The following ZDHHC1 variants were observed in gnomAD, a reference collection of about 807,000 sequenced individuals.
ZDHHC1 encodes zDHHC palmitoyltransferase 1, also known as palmitoyltransferase ZDHHC1.
ZDHHC1 carries 45 observed loss-of-function variants against 46.9 expected under a neutral mutation model. That is an observed-to-expected ratio of 0.96 (90% CI 0.76 to 1.23). The LOEUF (loss-of-function observed/expected upper bound fraction) is 1.23. ZDHHC1 is among the 50% of genes most tolerant of loss of function. The probability of loss-of-function intolerance (pLI) is 0.00; values close to 1 mark genes in which losing one functional copy is unlikely to be tolerated. For missense variants in ZDHHC1, 649 were observed against 670.8 expected (o/e 0.97, Z 0.36); for synonymous variants, 291 against 286.0 (o/e 1.02, Z -0.18).
At chr16:67,414,270 A>G (rs1383104797) in intron 1 of ZDHHC1, among the ~76,000 whole-genome samples, 1 of 152,242 alleles carries the variant, frequency 6.6e-6, no homozygotes, top group Non-Finnish European at 1.5e-5. Flanking sequence ...AAAGAAAAAC[A>G]AAAACAAAAC....
Position 67,406,815 on chromosome 16 carries a change from A to G in ZDHHC1, c.10-373T>C, listed in dbSNP as rs755347190. On this transcript the variant is annotated intron_variant, in intron 2 of 11. Transcript: ENST00000565726. This position sits in a 1 kb window ranked among gnomAD's most constrained non-coding sequence, Gnocchi z 4.1. ...GCTGGGGCCAGAGTGATGAGAACAC[A>G]TGCTGATTCTGTTAGGATTAGTCAC... is the stretch of plus-strand genomic sequence containing the variant. Among the ~76,000 whole-genome samples, 6 of 152,218 alleles carry G rather than the reference A, an allele frequency of 3.9e-5. No homozygotes were observed. The highest frequency in any genetic ancestry group is 7.3e-5 in the Non-Finnish European group (5 of 68,040).
At chr16:67,408,624 A>G (rs1237047152) in intron 1 of ZDHHC1, among the ~76,000 whole-genome samples, 1 of 151,556 alleles carries the variant, frequency 6.6e-6, no homozygotes, top group Non-Finnish European at 1.5e-5. Context: ...GTAGCTAGAA[A>G]TACAGCGGCG....
In ZDHHC1 at chr16:67,394,491, G is replaced by T. The variant is rs1188495664; in HGVS notation, c.*119C>A. The T allele has an allele frequency of 2.2e-5, 19 of 881,646 alleles. No individual in the cohort carries two copies. The highest frequency in any genetic ancestry group is 1.7e-4 in the East Asian group (3 of 17,608). 54.6% of individuals were successfully genotyped at this position (881,646 alleles called of 1,614,324 possible). On this transcript the variant is annotated 3_prime_UTR_variant, in exon 12 of 12. Transcript: ENST00000565726. ...CGGGTATTGCTGAGTCGTGGGGGAGGGAGGCCGATCCCGCCGGCCGTAGGG... is the reference window on the plus strand; with the variant it reads ...CGGGTATTGCTGAGTCGTGGGGGAGTGAGGCCGATCCCGCCGGCCGTAGGG...
Position 67,394,621 on chromosome 16 carries a change from C to G in ZDHHC1, c.1438G>C (p.Gly480Arg). Residue 480 changes from glycine (G) to arginine (R), a missense_variant, in exon 12 of 12, where the codon GGT becomes CGT. By Grantham distance (125) the Gly-to-Arg change is moderately radical. Transcript: ENST00000565726. ...EPRAPGGREA[G>R]LA ...GCCTCTCGGCCCAGCTAAGCCAGACCAGCCTCCCGGCCGCCCGGCGCCCTG... is the reference window on the plus strand; with the variant it reads ...GCCTCTCGGCCCAGCTAAGCCAGACGAGCCTCCCGGCCGCCCGGCGCCCTG... 2 of 1,195,616 alleles carry G rather than the reference C, an allele frequency of 1.7e-6. No homozygotes were observed. The highest frequency in any genetic ancestry group is 2.1e-6 in the Non-Finnish European group (2 of 965,490). 74.1% of individuals were successfully genotyped at this position (1,195,616 alleles called of 1,614,324 possible).
intron 8 of ZDHHC1, among the ~76,000 whole-genome samples, chr16:67,396,479 C>T (rs1438361950): frequency 6.6e-6 from 1 of 152,080 alleles, no homozygotes; most frequent in Non-Finnish European, 1.5e-5. Flanking sequence ...GCAGAGAGGA[C>T]ACTGTAACAG....
chr16:67,398,175 CACA>C, intron 8 of ZDHHC1, 34 bp downstream of exon 8: 2 of 1,598,304 alleles, frequency 1.3e-6, no homozygotes, highest in Non-Finnish European at 1.7e-6. Flanking sequence ...CAACACCCCC[CACA>C]CCCAGGCCCC....
intron 4 of ZDHHC1, among the ~76,000 whole-genome samples, chr16:67,400,333 C>T (rs1400245294): frequency 6.6e-6 from 1 of 152,176 alleles, no homozygotes; most frequent in Non-Finnish European, 1.5e-5. Context: ...GGAGAGGGGC[C>T]CCTAGAGAGG....
At position 67,401,992 on chromosome 16, in the gene ZDHHC1, C is replaced by T. The variant is rs1031204045; in HGVS notation, c.253-860G>A. On this transcript the variant is annotated intron_variant, in intron 3 of 11. Transcript: ENST00000565726. The surrounding 1 kb of genome is among the most constrained non-coding windows in gnomAD (Gnocchi z 4.6). ...ACATCATCCCTCCATCATTCATGCT[C>T]TACCCATCATCCATCTGCCATCCTT... Among the ~76,000 whole-genome samples, 2 of 152,238 alleles carry T rather than the reference C, an allele frequency of 1.3e-5. No homozygotes were observed. The highest frequency in any genetic ancestry group is 4.8e-5 in the African/African-American group (2 of 41,460).
chr16:67,395,467 G>A lies in ZDHHC1; in HGVS notation c.1010+17C>T. ...TAACTGGAGATGCCCAGTGGCACAT[G>A]CCCAGGTTGCACTCACTTGGCATTC... On this transcript the variant is annotated intron_variant, in intron 9 of 11. Transcript: ENST00000565726. The A allele has an allele frequency of 6.4e-7, 1 of 1,551,428 alleles. No individual in the cohort carries two copies. The highest frequency in any genetic ancestry group is 8.7e-7 in the Non-Finnish European group (1 of 1,147,184).
chr16:67,399,431 C>A lies in ZDHHC1; in HGVS notation c.454G>T (p.Ala152Ser), dbSNP rs909751855. 2 of 1,613,132 alleles carry A rather than the reference C, an allele frequency of 1.2e-6. No individual in the cohort carries two copies. Among genetic ancestry groups the A allele is most frequent in the Non-Finnish European group, 1.7e-6 (2 of 1,179,756 alleles). ...AAACCGCACACGCACTTGTTGCAGGCGCTGCAGTGCTTGGAGCGAGCGCTC... is the reference window on the plus strand; with the variant it reads ...AAACCGCACACGCACTTGTTGCAGGAGCTGCAGTGCTTGGAGCGAGCGCTC... ...DVSARSKHCSACNKCVCGFDH... is the reference protein window; with the variant it reads ...DVSARSKHCSSCNKCVCGFDH... Residue 152 changes from alanine (A) to serine (S), a missense_variant, in exon 5 of 12, where the codon GCC becomes TCC. Ala to Ser is a moderately conservative substitution (Grantham distance 99, BLOSUM62 1). Coordinates refer to ENST00000565726, the MANE Select transcript of ZDHHC1 (RefSeq NM_001323627.2).
chr16:67,408,414 A>C (rs2040699027), intron 1 of ZDHHC1, among the ~76,000 whole-genome samples: 1 of 150,224 alleles, frequency 6.7e-6, no homozygotes, highest in African/African-American at 2.5e-5. Context: ...GACTCAAGAG[A>C]TCCGCCAGCC....
In ZDHHC1 at chr16:67,398,746, C is replaced by T. The variant is rs776293414; in HGVS notation, c.656-15G>A. ...ATTCTTCAGGACTGCAAGGCACAGG[C>T]AGTGTGTGCTCAGCCGGGGACGTGA... On this transcript the variant is annotated splice_polypyrimidine_tract_variant and intron_variant, in intron 6 of 11. Coordinates refer to ENST00000565726, the MANE Select transcript of ZDHHC1 (RefSeq NM_001323627.2). The T allele has an allele frequency of 5.6e-6, 9 of 1,610,504 alleles. No individual in the cohort carries two copies. The South Asian group carries it at 8.9e-5, about 16-fold the overall frequency.
intron 1 of ZDHHC1, among the ~76,000 whole-genome samples, chr16:67,412,788 T>C (rs997151362): frequency 1.3e-5 from 2 of 152,086 alleles, no homozygotes; most frequent in Admixed American, 1.3e-4. Context: ...TGAGAGATTT[T>C]CTTCTCTTTT....
At position 67,395,299 on chromosome 16, in the gene ZDHHC1, G is replaced by C; in HGVS notation, c.1011-19C>G. 6.6e-7 allele frequency: 1 copy of C among 1,514,894 alleles called. No individual in the cohort carries two copies. Among genetic ancestry groups the C allele is most frequent in the Non-Finnish European group, 8.8e-7 (1 of 1,130,078 alleles). 93.8% of individuals were successfully genotyped at this position (1,514,894 alleles called of 1,614,324 possible). ...GGAGGGACTGAGGGGGAAGCAGGAG[G>C]GTAAGCCTGGGGCCTGTTCCCCAAA... On this transcript the variant is annotated intron_variant, in intron 9 of 11. Transcript: ENST00000565726.
chr16:67,399,304 C>T (rs1047798832), intron 5 of ZDHHC1, 51 bp downstream of exon 5: 1 of 1,497,884 alleles, frequency 6.7e-7, no homozygotes, highest in Non-Finnish European at 9.2e-7. Flanking sequence ...CTGTGGCTCC[C>T]ACCCTCAGAC....
At position 67,405,421 on chromosome 16, in the gene ZDHHC1, G is replaced by A. The variant is rs996428713; in HGVS notation, c.252+779C>T. Among the ~76,000 whole-genome samples, 8 of 152,152 alleles carry A rather than the reference G, an allele frequency of 5.3e-5. No individual in the cohort carries two copies. The East Asian group carries it at 5.8e-4, about 11-fold the overall frequency. On this transcript the variant is annotated intron_variant, in intron 3 of 11. Coordinates refer to ENST00000565726, the MANE Select transcript of ZDHHC1 (RefSeq NM_001323627.2). ...GTCCCAGGCTCTTAGGCTTATCGCCGCCAACCACCCTTAGACCGCCCTCAC... is the reference window on the plus strand; with the variant it reads ...GTCCCAGGCTCTTAGGCTTATCGCCACCAACCACCCTTAGACCGCCCTCAC...
In ZDHHC1 at chr16:67,401,168, C is replaced by T. The variant is rs771674754; in HGVS notation, c.253-36G>A. On this transcript the variant is annotated intron_variant, in intron 3 of 11. Transcript: ENST00000565726. This position sits in a 1 kb window ranked among gnomAD's most constrained non-coding sequence, Gnocchi z 4.6. ...AGGTTAAAGACTCACTCCACTCTGC[C>T]GGCTGGGAGTCCTGCCCCGTTCCTT... The T allele has an allele frequency of 1.6e-5, 25 of 1,606,794 alleles. No homozygotes were observed. The highest frequency in any genetic ancestry group is 4.0e-5 in the African/African-American group (3 of 74,820).
At chr16:67,412,740 C>T (rs1463808263) in intron 1 of ZDHHC1, among the ~76,000 whole-genome samples, 3 of 152,202 alleles carry the variant, frequency 2.0e-5, no homozygotes, top group African/African-American at 4.8e-5. Context: ...TGTTCCCATG[C>T]ATCTTGTCCT....
At chr16:67,415,893 GC>G (rs2040826716) in intron 1 of ZDHHC1, among the ~76,000 whole-genome samples, 1 of 152,212 alleles carries the variant, frequency 6.6e-6, no homozygotes, top group African/African-American at 2.4e-5. Flanking sequence ...CCGCTTCCCA[GC>G]CCCCTTCCTT....
Sources: allele counts gnomAD v4.1 joint callset (sites outside exome capture counted in the v4.1 genomes callset), GRCh38; gene constraint gnomAD v4.1.1; non-coding constraint Gnocchi (gnomAD v3.1); transcripts MANE v1.5; gene names NCBI Gene and HGNC (gene_info 2026-07-23, HGNC 2026-07-21).